Variants in GRIK1 observed in about 807,000 individuals in gnomAD.
The protein encoded by GRIK1 is glutamate ionotropic receptor kainate type subunit 1.
Under a neutral mutation model 105.7 loss-of-function variants are expected in GRIK1, and 69 were observed. That is an observed-to-expected ratio of 0.65 (90% CI 0.54 to 0.80). The LOEUF is 0.80. GRIK1 is among the 30% of genes least tolerant of loss of function. The pLI, the probability that GRIK1 is intolerant of heterozygous loss-of-function variation, is 0.00. For missense variants in GRIK1, 1,109 were observed against 1,167.3 expected (o/e 0.95, Z 0.73); for synonymous variants, 438 against 431.3 (o/e 1.02, Z -0.19).
At chr21:29,730,404 T>A (rs948089205) in intron 1 of GRIK1, among the ~76,000 whole-genome samples, 1 of 152,178 alleles carries the variant, frequency 6.6e-6, no homozygotes, top group African/African-American at 2.4e-5. Flanking sequence ...CAGGAATTCT[T>A]TTTAAACCAA....
chr21:29,629,781 G>A (rs182044218), intron 7 of GRIK1, among the ~76,000 whole-genome samples: 15 of 152,218 alleles, frequency 9.9e-5, no homozygotes, highest in Non-Finnish European at 2.1e-4. Context: ...GAGCCACCGC[G>A]CCTGGCCAAT....
intron 1 of GRIK1, among the ~76,000 whole-genome samples, chr21:29,909,680 G>C (rs928027363): frequency 5.3e-5 from 8 of 152,090 alleles, no homozygotes; most frequent in Admixed American, 5.2e-4. Context: ...TTTCAAATCA[G>C]ATGTGGTTTA....
At chr21:29,869,697 G>A (rs973970874) in intron 1 of GRIK1, among the ~76,000 whole-genome samples, 1 of 152,160 alleles carries the variant, frequency 6.6e-6, no homozygotes, top group Non-Finnish European at 1.5e-5. Context: ...AAGCAGAATA[G>A]AGTTCTATAT....
intron 11 of GRIK1, among the ~76,000 whole-genome samples, chr21:29,588,632 A>C (rs1335860629): frequency 2.0e-5 from 3 of 152,194 alleles, no homozygotes; most frequent in Admixed American, 1.3e-4. Flanking sequence ...TGTAAAAACA[A>C]ACTAATGCAC....
intron 1 of GRIK1, among the ~76,000 whole-genome samples, chr21:29,738,629 T>C (rs1278606532): frequency 1.3e-5 from 2 of 152,238 alleles, no homozygotes; most frequent in Non-Finnish European, 2.9e-5. Context: ...CTCTCAGATA[T>C]GGTAGCATCT....
In GRIK1 at chr21:29,537,354, A is replaced by G; in HGVS notation, c.2726T>C (p.Leu909Pro). 6.2e-7 allele frequency: 1 copy of G among 1,611,412 alleles called. No individual in the cohort carries two copies. Among genetic ancestry groups the G allele is most frequent in the East Asian group, 2.2e-5 (1 of 44,790 alleles). Residue 909 changes from leucine (L) to proline (P), a missense_variant, in exon 18 of 18, where the codon CTG becomes CCG. Coordinates refer to ENST00000327783, the MANE Select transcript of GRIK1 (RefSeq NM_001330994.2). ...TTTCTGATTCTTCAGTGAGATTCCC[A>G]GTTCTTCCATGATAGCGTTGAAAGA... ...CLSFNAIMEE[L>P]GISLKNQKKI...
intron 7 of GRIK1, among the ~76,000 whole-genome samples, chr21:29,613,042 G>T (rs1430806300): frequency 2.0e-5 from 3 of 152,144 alleles, no homozygotes; most frequent in African/African-American, 7.2e-5. Context: ...TTTGCAAGTT[G>T]CTTAACTTCC....
chr21:29,546,516 A>T (rs530338384), intron 16 of GRIK1, among the ~76,000 whole-genome samples: 1 of 152,230 alleles, frequency 6.6e-6, no homozygotes, highest in Non-Finnish European at 1.5e-5. Context: ...TGGCTCAGAG[A>T]TGGTAAGTGG....
intron 16 of GRIK1, among the ~76,000 whole-genome samples, chr21:29,542,649 T>A (rs1326095350): frequency 6.6e-6 from 1 of 152,232 alleles, no homozygotes; most frequent in African/African-American, 2.4e-5. Flanking sequence ...AATGTCAGAT[T>A]GATTTCTCAT....
Position 29,547,614 on chromosome 21 carries a change from A to G in GRIK1, c.2607+7438T>C, listed in dbSNP as rs568425003. Among the ~76,000 whole-genome samples, 8 of 152,382 alleles carry G rather than the reference A, an allele frequency of 5.2e-5. No homozygotes were observed. The South Asian group carries it at 1.0e-3, about 20-fold the overall frequency. On this transcript the variant is annotated intron_variant, in intron 16 of 17. Transcript: ENST00000327783. Reference sequence around the variant, plus strand: ...CATGTGATTCCCAAGTCACCTGTCTATTGGGCCATGCCCATCGTTCAGAGT... The same window carrying G: ...CATGTGATTCCCAAGTCACCTGTCTGTTGGGCCATGCCCATCGTTCAGAGT...
intron 1 of GRIK1, among the ~76,000 whole-genome samples, chr21:29,785,773 T>C (rs1215821200): frequency 6.6e-6 from 1 of 152,158 alleles, no homozygotes; most frequent in Non-Finnish European, 1.5e-5. Flanking sequence ...TCTCTCACAG[T>C]TCTGAAGGCC....
intron 1 of GRIK1, among the ~76,000 whole-genome samples, chr21:29,848,636 C>T (rs975306776): frequency 2.0e-5 from 3 of 151,622 alleles, no homozygotes; most frequent in African/African-American, 7.3e-5. Flanking sequence ...TGTATTCTCT[C>T]TTTCTTCAGT....
intron 8 of GRIK1, 64 bp downstream of exon 8, chr21:29,598,766 T>G (rs1361454029): frequency 1.4e-6 from 1 of 732,602 alleles, no homozygotes; most frequent in East Asian, 2.7e-5. Context: ...GTCTTTGCAA[T>G]TTAGTAAAAA....
chr21:29,839,431 G>A (rs1370553817), intron 1 of GRIK1, among the ~76,000 whole-genome samples: 1 of 152,134 alleles, frequency 6.6e-6, no homozygotes. Context: ...AGATAACATG[G>A]AATGAAAGAA....
chr21:29,787,083 T>C (rs1160611958), intron 1 of GRIK1, among the ~76,000 whole-genome samples: 1 of 152,242 alleles, frequency 6.6e-6, no homozygotes, highest in Non-Finnish European at 1.5e-5. Flanking sequence ...ATATTTACGA[T>C]GTCATTGTCT....
chr21:29,859,402 C>CAAA (rs34152198), intron 1 of GRIK1, among the ~76,000 whole-genome samples: 4 of 149,688 alleles, frequency 2.7e-5, no homozygotes, highest in African/African-American at 9.8e-5. Context: ...AATAAAAAAA[C>CAAA]AAAAAAAAAT....
At chr21:29,770,447 G>C (rs1207342658) in intron 1 of GRIK1, among the ~76,000 whole-genome samples, 1 of 152,136 alleles carries the variant, frequency 6.6e-6, no homozygotes, top group Non-Finnish European at 1.5e-5. Flanking sequence ...AGCACTTGTG[G>C]GATTGGGACA....
At chr21:29,704,829 A>G (rs554688779) in intron 1 of GRIK1, among the ~76,000 whole-genome samples, 16 of 152,332 alleles carry the variant, frequency 1.1e-4, no homozygotes, top group African/African-American at 3.1e-4. Flanking sequence ...CCTTAACATC[A>G]TGAAGGTATG....
At chr21:29,654,074 G>C (rs1009217906) in intron 5 of GRIK1, among the ~76,000 whole-genome samples, 2 of 152,186 alleles carry the variant, frequency 1.3e-5, no homozygotes, top group African/African-American at 4.8e-5. Context: ...TACTCTTACA[G>C]ATTAGAAAAC....
Sources: gnomAD v4.1 joint callset for allele counts (sites outside exome capture counted in the v4.1 genomes callset) on GRCh38, gnomAD v4.1.1 for gene constraint, MANE v1.5 for transcripts, NCBI Gene and HGNC (gene_info 2026-07-23, HGNC 2026-07-21) for gene names.